RERE: variants seen among roughly 807,000 people sequenced by gnomAD.
RERE encodes arginine-glutamic acid dipeptide repeats.
In RERE, 40 loss-of-function variants were observed where a neutral mutation model predicts 146.1. The ratio of observed to expected loss-of-function variants is 0.27; its 90% CI spans 0.21 to 0.36. The LOEUF is 0.36. Among genes scored for constraint, RERE ranks in the 10% least tolerant of loss-of-function variants. RERE has a pLI of 1.00. For synonymous variants in RERE, 1,003 were observed against 866.0 expected, an observed-to-expected ratio of 1.16 and a Z score of -2.78; for missense variants, 1,933 against 2,138.7, an observed-to-expected ratio of 0.90 and a Z score of 1.90.
At chr1:8,551,538 GAGTGAT>G (rs567116341) in intron 6 of RERE, among the ~76,000 whole-genome samples, 7 of 152,088 alleles carry the variant, frequency 4.6e-5, no homozygotes, top group Middle Eastern at 3.2e-3. Flanking sequence ...AGTGTATGCT[GAGTGAT>G]TACACCATCA....
chr1:8,619,244 A>G (rs1243534444), intron 3 of RERE, among the ~76,000 whole-genome samples: 1 of 152,194 alleles, frequency 6.6e-6, no homozygotes, highest in African/African-American at 2.4e-5. Context: ...GAGCCGTAAC[A>G]ATATGTCGAG....
At chr1:8,712,802 A>T (rs915097251) in intron 1 of RERE, among the ~76,000 whole-genome samples, 14 of 148,874 alleles carry the variant, frequency 9.4e-5, no homozygotes, top group African/African-American at 3.2e-4. Context: ...AAAACAAAAT[A>T]AAAAAAAAAC....
chr1:8,763,615 A>T (rs1640794751), intron 1 of RERE, among the ~76,000 whole-genome samples: 1 of 151,920 alleles, frequency 6.6e-6, no homozygotes, highest in Admixed American at 6.6e-5. Context: ...AACCTGGGCG[A>T]CAGAGCTAGA....
chr1:8,362,985 C>T lies in RERE; in HGVS notation c.1741-141G>A, dbSNP rs570117488. 92 of 877,496 alleles carry T rather than the reference C, an allele frequency of 1.0e-4. 2 individuals carry two copies. The highest frequency in any genetic ancestry group is 1.0e-3 in the South Asian group (58 of 57,674). The allele number at this position is 877,496 out of a possible 1,614,324, so 54.4% of individuals were successfully genotyped here. On this transcript the variant is annotated intron_variant, in intron 15 of 22. Transcript: ENST00000400908. Reference sequence around the variant, plus strand: ...TCCCAGACCTTGGCAAACAACAGGCCGCCCTGCCTGTCCCTGGCTGCATGA... The same window carrying T: ...TCCCAGACCTTGGCAAACAACAGGCTGCCCTGCCTGTCCCTGGCTGCATGA...
chr1:8,490,870 T>C (rs973450694), intron 10 of RERE, among the ~76,000 whole-genome samples: 2 of 150,706 alleles, frequency 1.3e-5, no homozygotes, highest in Non-Finnish European at 2.9e-5. Flanking sequence ...CTTGACATTA[T>C]AGTAGTTTCA....
intron 8 of RERE, among the ~76,000 whole-genome samples, chr1:8,501,523 C>G (rs1409344686): frequency 1.7e-5 from 2 of 115,896 alleles, no homozygotes; most frequent in Non-Finnish European, 3.5e-5. Context: ...ATCAGCCCCC[C>G]GTCCGGGAGG....
intron 8 of RERE, among the ~76,000 whole-genome samples, chr1:8,498,764 CACACAT>C (rs1645085901): frequency 6.7e-6 from 1 of 149,406 alleles, no homozygotes; most frequent in African/African-American, 2.5e-5. Context: ...CACACACACA[CACACAT>C]ATGTAGTTGA....
chr1:8,520,753 T>TAAAAAAAAAAAAAAAAAAA (rs368609572), intron 7 of RERE, among the ~76,000 whole-genome samples: 1 of 78,166 alleles, frequency 1.3e-5, no homozygotes, highest in Non-Finnish European at 2.5e-5. Flanking sequence ...AAAAAACTTT[T>TAAAAAAAAAAAAAAAAAAA]TAAAAAAAAA....
At chr1:8,667,062 T>C (rs578160604) in intron 1 of RERE, among the ~76,000 whole-genome samples, 134 of 152,356 alleles carry the variant, frequency 8.8e-4, no homozygotes, top group African/African-American at 3.1e-3. Flanking sequence ...TAATGAGGAC[T>C]GGGTTTAATG....
At chr1:8,731,451 G>A (rs191030859) in intron 1 of RERE, among the ~76,000 whole-genome samples, 4 of 152,170 alleles carry the variant, frequency 2.6e-5, no homozygotes, top group Admixed American at 6.5e-5. Flanking sequence ...CACAGAAGGG[G>A]TGAGGGGAGG....
intron 1 of RERE, among the ~76,000 whole-genome samples, chr1:8,692,675 A>G (rs368614081): frequency 6.6e-6 from 1 of 152,080 alleles, no homozygotes; most frequent in East Asian, 1.9e-4. Context: ...GAATCTCTAG[A>G]TTACGTATAA....
At chr1:8,500,105 A>T (rs889985494) in intron 8 of RERE, among the ~76,000 whole-genome samples, 1 of 152,226 alleles carries the variant, frequency 6.6e-6, no homozygotes, top group Admixed American at 6.5e-5. Flanking sequence ...TGGGTGACAG[A>T]GCAAGACTCT....
intron 1 of RERE, among the ~76,000 whole-genome samples, chr1:8,728,799 T>C (rs1394347301): frequency 6.6e-6 from 1 of 152,138 alleles, no homozygotes; most frequent in African/African-American, 2.4e-5. Context: ...GGGCATAAAG[T>C]GAAGGTAAGA....
intron 12 of RERE, among the ~76,000 whole-genome samples, chr1:8,382,315 T>A (rs961598394): frequency 1.3e-5 from 2 of 152,264 alleles, no homozygotes; most frequent in African/African-American, 4.8e-5. Flanking sequence ...TTGGCTCCAG[T>A]GATCTCAGGT....
chr1:8,729,217 ATTT>A (rs1173630956), intron 1 of RERE, among the ~76,000 whole-genome samples: 13 of 100,416 alleles, frequency 1.3e-4, no homozygotes, highest in Non-Finnish European at 2.3e-4. Context: ...AGCTACACCG[ATTT>A]TTTTTTTTTT....
intron 12 of RERE, among the ~76,000 whole-genome samples, chr1:8,397,338 C>A (rs1443808967): frequency 6.6e-6 from 1 of 152,162 alleles, no homozygotes; most frequent in Non-Finnish European, 1.5e-5. Context: ...ATCACTGCTG[C>A]CTTATTCGAC....
At chr1:8,686,981 C>T (rs1379069027) in intron 1 of RERE, among the ~76,000 whole-genome samples, 1 of 152,082 alleles carries the variant, frequency 6.6e-6, no homozygotes, top group Non-Finnish European at 1.5e-5. Context: ...GGAGCAACAA[C>T]GGATGGATTT....
chr1:8,416,179 G>A (rs553270867), intron 12 of RERE, among the ~76,000 whole-genome samples: 14 of 152,344 alleles, frequency 9.2e-5, no homozygotes, highest in Admixed American at 3.9e-4. Context: ...TAACTAGACT[G>A]CATGCCACAA....
intron 4 of RERE, 36 bp from the exon 5 acceptor site, chr1:8,557,559 T>C (rs1557685708): frequency 2.1e-6 from 3 of 1,429,636 alleles, no homozygotes; most frequent in Admixed American, 1.7e-5. Context: ...AGGAACAGGA[T>C]TTCAGGTGGC....
Sources: allele counts gnomAD v4.1 joint callset (sites outside exome capture counted in the v4.1 genomes callset), GRCh38; gene constraint gnomAD v4.1.1; transcripts MANE v1.5; gene names NCBI Gene and HGNC (gene_info 2026-07-23, HGNC 2026-07-21).